The following PITPNM2 variants were observed in gnomAD, a reference collection of about 807,000 sequenced individuals.
The protein encoded by PITPNM2 is phosphatidylinositol transfer protein membrane associated 2.
A neutral mutation model predicts 132.2 loss-of-function variants in PITPNM2; 35 were observed. The ratio of observed to expected loss-of-function variants is 0.26; its 90% CI spans 0.20 to 0.35. The LOEUF is 0.35. PITPNM2 is among the 10% of genes least tolerant of loss of function. PITPNM2 has a pLI of 1.00. For synonymous variants in PITPNM2, 738 were observed against 799.2 expected, an observed-to-expected ratio of 0.92 and a Z score of 1.29; for missense variants, 1,332 against 1,912.0, an observed-to-expected ratio of 0.70 and a Z score of 5.66.
rs2041827498 is a variant in PITPNM2 at position 123,077,457 on chromosome 12, T to C, written c.-96+32928A>G. Among the ~76,000 whole-genome samples the C allele has an allele frequency of 6.6e-6, 1 of 152,208 alleles. No homozygotes were observed. The highest frequency in any genetic ancestry group is 2.4e-5 in the African/African-American group (1 of 41,440). On this transcript the variant is annotated intron_variant, in intron 2 of 25. Transcript: ENST00000320201. The surrounding 1 kb of genome is among the most constrained non-coding windows in gnomAD (Gnocchi z 4.8). ...TGCATGCCTCTGAATTTCCTCCCCT[T>C]TCCTTGGTCCAACCACAGTCCAGGA... is the stretch of plus-strand genomic sequence containing the variant.
Position 123,111,526 on chromosome 12 carries a change from C to G in PITPNM2, c.-199-1038G>C, listed in dbSNP as rs1466675721. ...AGTTATCAACTGCCAAGTGAACGGCCAGACAGAGGAGGGAGAGTGGAATTG... is the reference window on the plus strand; with the variant it reads ...AGTTATCAACTGCCAAGTGAACGGCGAGACAGAGGAGGGAGAGTGGAATTG... On this transcript the variant is annotated intron_variant, in intron 1 of 25. Transcript: ENST00000320201. This position sits in a 1 kb window ranked among gnomAD's most constrained non-coding sequence, Gnocchi z 4.1. 1.3e-5 allele frequency among the ~76,000 whole-genome samples: 2 copies of G among 152,224 alleles called. No individual in the cohort carries two copies. The highest frequency in any genetic ancestry group is 6.5e-5 in the Admixed American group (1 of 15,276).
intron 2 of PITPNM2, among the ~76,000 whole-genome samples, chr12:123,071,708 G>C (rs1171581878): frequency 1.3e-5 from 2 of 152,384 alleles, no homozygotes; most frequent in Non-Finnish European, 2.9e-5. Flanking sequence ...CCTGCGACGA[G>C]GCAGGCAAGA....
At chr12:123,092,088 C>T (rs1484048741) in intron 2 of PITPNM2, 3 of 152,318 alleles carry the variant, frequency 2.0e-5, no homozygotes, top group African/African-American at 7.2e-5. Flanking sequence ...GAGAAATCCC[C>T]CAAAGAGCGT....
At position 123,009,982 on chromosome 12, in the gene PITPNM2, G is replaced by A; in HGVS notation, c.511C>T (p.Pro171Ser). The change falls in exon 6 of 26, where the codon CCC becomes TCC. Residue 171 changes from proline (P) to serine (S), a missense_variant. This residue lies in a region of PITPNM2 where 122 missense variants were observed against 209.6 expected (regional missense o/e 0.58). Coordinates refer to ENST00000320201, the MANE Select transcript of PITPNM2 (RefSeq NM_020845.3). This position sits in a 1 kb window ranked among gnomAD's most constrained non-coding sequence, Gnocchi z 4.8. ...TCCTCGATCCAGTTCTCGGACAGGG[G>A]CCCCCGCTGGGTCTTGGTTGACTGG... is the stretch of plus-strand genomic sequence containing the variant. ...LFQSTKTQRG[P>S]LSENWIEEYK... The A allele has an allele frequency of 6.2e-7, 1 of 1,614,178 alleles. No individual in the cohort carries two copies. Among genetic ancestry groups the A allele is most frequent in the Non-Finnish European group, 8.5e-7 (1 of 1,180,026 alleles).
intron 2 of PITPNM2, among the ~76,000 whole-genome samples, chr12:123,074,740 G>A (rs977794040): frequency 1.3e-5 from 2 of 152,128 alleles, no homozygotes; most frequent in South Asian, 2.1e-4. Context: ...CAGAAGCCCT[G>A]GACAGAAAGC....
chr12:123,114,071 A>G (rs149250046), intron 1 of PITPNM2, among the ~76,000 whole-genome samples: 26 of 152,252 alleles, frequency 1.7e-4, no homozygotes, highest in African/African-American at 5.1e-4. Context: ...TATACACTAC[A>G]TCTTGTTTAT....
intron 2 of PITPNM2, among the ~76,000 whole-genome samples, chr12:123,079,945 T>C (rs2041909067): frequency 1.3e-5 from 2 of 152,202 alleles, no homozygotes; most frequent in Non-Finnish European, 1.5e-5. Flanking sequence ...CCCCAGCCCC[T>C]GTCAACAACC....
intron 2 of PITPNM2, among the ~76,000 whole-genome samples, chr12:123,079,592 C>T (rs1017057130): frequency 1.2e-4 from 19 of 152,016 alleles, no homozygotes; most frequent in African/African-American, 4.6e-4. Context: ...GGTGATCCAC[C>T]CATCTCGGCC....
intron 5 of PITPNM2, 147 bp downstream of exon 5, chr12:123,012,466 C>G (rs938258326): frequency 1.9e-6 from 2 of 1,060,288 alleles, no homozygotes; most frequent in Admixed American, 2.3e-5. Context: ...CCCATGGGCC[C>G]CATGCTTGCT....
At chr12:122,990,769 T>TG in intron 16 of PITPNM2, 60 bp from the exon 17 acceptor site, 1 of 1,509,962 alleles carries the variant, frequency 6.6e-7, no homozygotes, top group Non-Finnish European at 8.9e-7. Flanking sequence ...CCCGGAGCAG[T>TG]GGGGAAGCCA....
Position 123,023,914 on chromosome 12 carries a change from A to G in PITPNM2, c.79-9872T>C, listed in dbSNP as rs1330220812. On this transcript the variant is annotated intron_variant, in intron 3 of 25. Coordinates refer to ENST00000320201, the MANE Select transcript of PITPNM2 (RefSeq NM_020845.3). This position sits in a 1 kb window ranked among gnomAD's most constrained non-coding sequence, Gnocchi z 4.8. ...AGTAACTTATATCCAAAATATATAC[A>G]GAACTCCTCCAATGCAACAACAGAG... Among the ~76,000 whole-genome samples the G allele has an allele frequency of 6.6e-6, 1 of 152,212 alleles. No homozygotes were observed. Among genetic ancestry groups the G allele is most frequent in the Non-Finnish European group, 1.5e-5 (1 of 68,038 alleles).
intron 2 of PITPNM2, among the ~76,000 whole-genome samples, chr12:123,066,619 TG>T (rs980481224): frequency 2.6e-5 from 4 of 152,126 alleles, no homozygotes; most frequent in Non-Finnish European, 5.9e-5. Flanking sequence ...AACCACCCCC[TG>T]GGATGGGCTA....
rs1594133530 is a variant in PITPNM2, at chr12:123,000,371, A to C, written c.1224+407T>G. 2 of 701,460 alleles carry C rather than the reference A, an allele frequency of 2.9e-6. No individual in the cohort carries two copies. The highest frequency in any genetic ancestry group is 5.2e-6 in the Non-Finnish European group (2 of 384,644). The allele number at this position is 701,460 out of a possible 1,614,324, so 43.5% of individuals were successfully genotyped here. A position where few individuals can be genotyped will look rare whatever the true frequency, so the allele number is the denominator to read the frequency against. The stretch of plus-strand genomic sequence containing the variant: ...CTCCCGCGGGGCCATCTTGTCGGCC[A>C]CGGCCACATCACTTCTGCCTAGACG... On this transcript the variant is annotated intron_variant, in intron 10 of 25. Transcript: ENST00000320201. The surrounding 1 kb of genome is among the most constrained non-coding windows in gnomAD (Gnocchi z 5.4).
In PITPNM2 at chr12:123,022,343, C is replaced by T. The variant is rs761696876; in HGVS notation, c.79-8301G>A. ...TTTTCATAGCTATAGGCACCAAGAC[C>T]GCTCGGAAGACCCACAGAGCATCAG... On this transcript the variant is annotated intron_variant, in intron 3 of 25. Transcript: ENST00000320201. The surrounding 1 kb of genome is among the most constrained non-coding windows in gnomAD (Gnocchi z 4.9). Among the ~76,000 whole-genome samples, 2 of 152,128 alleles carry T rather than the reference C, an allele frequency of 1.3e-5. No homozygotes were observed. Among genetic ancestry groups the T allele is most frequent in the African/African-American group, 2.4e-5 (1 of 41,412 alleles).
In PITPNM2 at chr12:123,068,238, T is replaced by C. The variant is rs370215436; in HGVS notation, c.-95-33553A>G. Among the ~76,000 whole-genome samples, 90 of 151,998 alleles carry C rather than the reference T, an allele frequency of 5.9e-4. 1 individual carries two copies. Among genetic ancestry groups the C allele is most frequent in the Middle Eastern group, 3.4e-3 (1 of 294 alleles). ...ATCCCAGCACTTTGGGAGGCCAAGG[T>C]GGGCGGATCACAAAGTCAGGAGATC... On this transcript the variant is annotated intron_variant, in intron 2 of 25. Transcript: ENST00000320201.
intron 2 of PITPNM2, among the ~76,000 whole-genome samples, chr12:123,075,013 T>C (rs149483107): frequency 1.6e-3 from 249 of 152,352 alleles, no homozygotes; most frequent in African/African-American, 5.8e-3. Context: ...GGTACACCCC[T>C]GCTAGCAGGC....
rs1039813986 is a variant in PITPNM2 at position 122,988,888 on chromosome 12, G to A, written c.2732-16C>T. On this transcript the variant is annotated splice_polypyrimidine_tract_variant and intron_variant, in intron 18 of 25. Coordinates refer to ENST00000320201, the MANE Select transcript of PITPNM2 (RefSeq NM_020845.3). Reference sequence around the variant, plus strand: ...TTTGCAGCGACTGCCAGGAGGGGCCGTGACTGGGCTGGGGCTGTATAGCCC... The same window carrying A: ...TTTGCAGCGACTGCCAGGAGGGGCCATGACTGGGCTGGGGCTGTATAGCCC... 8 of 1,550,432 alleles carry A rather than the reference G, an allele frequency of 5.2e-6. No individual in the cohort carries two copies. The highest frequency in any genetic ancestry group is 2.4e-5 in the East Asian group (1 of 41,278).
intron 2 of PITPNM2, among the ~76,000 whole-genome samples, chr12:123,059,702 T>C (rs2041169392): frequency 2.0e-5 from 3 of 152,102 alleles, no homozygotes; most frequent in Admixed American, 2.0e-4. Context: ...AGGCAGAGCC[T>C]AAGAAAGGGC....
At chr12:123,040,129 C>CA (rs1356683262) in intron 2 of PITPNM2, among the ~76,000 whole-genome samples, 4 of 151,790 alleles carry the variant, frequency 2.6e-5, no homozygotes, top group African/African-American at 9.7e-5. Context: ...GACCCTATCT[C>CA]AAAAAATAAA....
Sources: allele counts gnomAD v4.1 joint callset (sites outside exome capture counted in the v4.1 genomes callset), GRCh38; gene constraint gnomAD v4.1.1; regional missense constraint gnomAD v4.1.1; non-coding constraint Gnocchi (gnomAD v3.1); transcripts MANE v1.5; gene names NCBI Gene and HGNC (gene_info 2026-07-23, HGNC 2026-07-21).